The following USP32 variants were observed in gnomAD, a reference collection of about 807,000 sequenced individuals.
USP32 encodes the protein ubiquitin specific peptidase 32, also known as ubiquitin carboxyl-terminal hydrolase 32.
A neutral mutation model predicts 204.8 loss-of-function variants in USP32; 59 were observed. The ratio of observed to expected loss-of-function variants is 0.29; its 90% confidence interval spans 0.23 to 0.36. The LOEUF is 0.36. Ranked by LOEUF, USP32 falls within the 10% of genes least tolerant of loss-of-function variation. The pLI is 1.00. For synonymous variants in USP32, 517 were observed against 678.4 expected, an observed-to-expected ratio of 0.76 and a Z score of 3.70; for missense variants, 1,160 against 1,946.4, an observed-to-expected ratio of 0.60 and a Z score of 7.60.
At chr17:60,222,050 T>C (rs2085266772) in intron 15 of USP32, among the ~76,000 whole-genome samples, 2 of 152,322 alleles carry the variant, frequency 1.3e-5, no homozygotes, top group South Asian at 4.1e-4. Context: ...TAGATACTTG[T>C]GTGATTGTTA....
intron 1 of USP32, chr17:60,421,244 TACA>T (rs1232353164): frequency 1.7e-4 from 98 of 581,860 alleles, no homozygotes; most frequent in South Asian, 2.3e-4. Context: ...TTCCTCCCCT[TACA>T]ACAACAACAA....
chr17:60,340,561 G>A (rs750795444), intron 2 of USP32, among the ~76,000 whole-genome samples: 4 of 152,042 alleles, frequency 2.6e-5, no homozygotes, highest in Non-Finnish European at 5.9e-5. Context: ...GCCTATGTAC[G>A]ACTTTGCACG....
chr17:60,276,447 C>T (rs2086841539), intron 5 of USP32, among the ~76,000 whole-genome samples: 1 of 151,972 alleles, frequency 6.6e-6, no homozygotes, highest in African/African-American at 2.4e-5. Flanking sequence ...AAAAAGAAGC[C>T]TCTTTCATTC....
At chr17:60,180,772 A>G in intron 32 of USP32, 135 bp from the exon 33 acceptor site, 3 of 910,780 alleles carry the variant, frequency 3.3e-6, no homozygotes, top group Non-Finnish European at 4.8e-6. Flanking sequence ...GAACCCTCTA[A>G]CTTTTTCTAA....
chr17:60,198,851 C>G (rs369657111), intron 26 of USP32, among the ~76,000 whole-genome samples: 1 of 152,186 alleles, frequency 6.6e-6, no homozygotes, highest in Non-Finnish European at 1.5e-5. Flanking sequence ...TGGTGGCTCA[C>G]GCCTGTAATC....
chr17:60,222,676 AAT>A, intron 14 of USP32, 127 bp from the exon 15 acceptor site: 4 of 794,398 alleles, frequency 5.0e-6, no homozygotes, highest in Non-Finnish European at 5.7e-6. Context: ...GGAAAAACTT[AAT>A]TTTTTTTTTT....
chr17:60,392,320 C>T (rs1193745741), upstream of USP32: 3 of 319,926 alleles, frequency 9.4e-6, no homozygotes, highest in South Asian at 6.0e-5. Flanking sequence ...CCGCACGCTC[C>T]GCCCCTCCCC....
chr17:60,244,037 T>TG (rs1462176844), intron 11 of USP32, among the ~76,000 whole-genome samples: 18 of 135,778 alleles, frequency 1.3e-4, no homozygotes, highest in African/African-American at 4.3e-4. Context: ...GTGTTTTTTT[T>TG]TTTTTTTTTT....
intron 1 of USP32, among the ~76,000 whole-genome samples, chr17:60,383,792 C>T (rs1448521327): frequency 6.6e-6 from 1 of 152,216 alleles, no homozygotes; most frequent in Non-Finnish European, 1.5e-5. Flanking sequence ...GGGTAAATTA[C>T]TACAATTGAG....
chr17:60,351,246 C>T (rs773477618), intron 1 of USP32, among the ~76,000 whole-genome samples: 42 of 152,068 alleles, frequency 2.8e-4, no homozygotes, highest in Non-Finnish European at 5.4e-4. Context: ...CTACCACCTA[C>T]CCAAACCCCC....
At chr17:60,361,864 GTA>G (rs145209160) in intron 1 of USP32, among the ~76,000 whole-genome samples, 4 of 151,300 alleles carry the variant, frequency 2.6e-5, no homozygotes, top group African/African-American at 9.7e-5. Flanking sequence ...AAAGATACAT[GTA>G]TATATATATA....
At chr17:60,383,331 C>T (rs1164542302) in intron 1 of USP32, among the ~76,000 whole-genome samples, 1 of 151,944 alleles carries the variant, frequency 6.6e-6, no homozygotes, top group African/African-American at 2.4e-5. Context: ...AACTCGATTC[C>T]TGTCTTTATT....
chr17:60,357,564 C>T (rs1349137408), intron 1 of USP32, among the ~76,000 whole-genome samples: 1 of 152,092 alleles, frequency 6.6e-6, no homozygotes, highest in Non-Finnish European at 1.5e-5. Context: ...TATATCAGTA[C>T]ATTCATAGTC....
At chr17:60,372,371 A>C (rs906584549) in intron 1 of USP32, among the ~76,000 whole-genome samples, 4 of 152,162 alleles carry the variant, frequency 2.6e-5, no homozygotes, top group Non-Finnish European at 5.9e-5. Flanking sequence ...ACAAACTTAG[A>C]TGGTATAGAC....
intron 10 of USP32, among the ~76,000 whole-genome samples, chr17:60,254,600 G>A (rs889984618): frequency 1.3e-5 from 2 of 152,184 alleles, no homozygotes; most frequent in Non-Finnish European, 2.9e-5. Context: ...TTGGGAGGCT[G>A]CGGAAGGAGA....
chr17:60,178,106 A>C lies in USP32; in HGVS notation c.*1149T>G, dbSNP rs1251817786. ...AAAAAGACAAATATCAAAATAAAAA[A>C]ATTAGTGGACATGCAAACAAAGCAA... On this transcript the variant is annotated 3_prime_UTR_variant, in exon 34 of 34. Coordinates refer to ENST00000300896, the MANE Select transcript of USP32 (RefSeq NM_032582.4). Among the ~76,000 whole-genome samples the C allele has an allele frequency of 2.0e-5, 3 of 152,238 alleles. No individual in the cohort carries two copies. Among genetic ancestry groups the C allele is most frequent in the African/African-American group, 7.2e-5 (3 of 41,464 alleles).
intron 14 of USP32, 135 bp from the exon 15 acceptor site, chr17:60,222,684 T>A (rs2085283246): frequency 3.5e-6 from 3 of 863,174 alleles, no homozygotes; most frequent in Admixed American, 5.7e-5. Context: ...TTAATTTTTT[T>A]TTTTTTTTTT....
chr17:60,381,141 G>A (rs545733007), intron 1 of USP32, among the ~76,000 whole-genome samples: 8 of 152,144 alleles, frequency 5.3e-5, no homozygotes, highest in East Asian at 1.9e-4. Context: ...CATTTATTAC[G>A]TCAACATTTT....
At chr17:60,265,505 A>G in intron 8 of USP32, 31 bp from the exon 9 acceptor site, 1 of 1,381,232 alleles carries the variant, frequency 7.2e-7, no homozygotes. Context: ...AGTAATTAGA[A>G]AACAGTGAAT....
Sources: gnomAD v4.1 joint callset for allele counts (sites outside exome capture counted in the v4.1 genomes callset) on GRCh38, gnomAD v4.1.1 for gene constraint, MANE v1.5 for transcripts, NCBI Gene and HGNC (gene_info 2026-07-23, HGNC 2026-07-21) for gene names.